The following TFDP2 variants were observed in gnomAD, a reference collection of about 807,000 sequenced individuals.
TFDP2 encodes transcription factor Dp-2 (E2F dimerization partner 2).
Under a neutral mutation model 59.3 loss-of-function variants are expected in TFDP2, and 17 were observed. That is an observed-to-expected ratio of 0.29 (90% CI 0.20 to 0.43). TFDP2 has a LOEUF of 0.43. TFDP2 is among the 20% of genes least tolerant of loss of function. The pLI is 1.00. For synonymous variants in TFDP2, 180 were observed against 194.7 expected, an observed-to-expected ratio of 0.92 and a Z score of 0.63; for missense variants, 391 against 528.8, an observed-to-expected ratio of 0.74 and a Z score of 2.56.
At chr3:141,997,912 CAT>C in intron 4 of TFDP2, among the ~76,000 whole-genome samples, 1 of 145,310 alleles carries the variant, frequency 6.9e-6, no homozygotes, top group South Asian at 2.2e-4. Context: ...GGAAAGAGGA[CAT>C]AGAGAAAAAC....
At position 142,004,612 on chromosome 3, in the gene TFDP2, T is replaced by G. The variant is rs138071601; in HGVS notation, c.186+829A>C. 6.0e-3 allele frequency among the ~76,000 whole-genome samples: 913 copies of G among 152,304 alleles called. 2 individuals are homozygous for G. The highest frequency in any genetic ancestry group is 0.01 in the Middle Eastern group (3 of 294). On this transcript the variant is annotated intron_variant, in intron 4 of 12. Coordinates refer to ENST00000489671, the MANE Select transcript of TFDP2 (RefSeq NM_001178139.2). ...TTAATGAATGTCTTTAGAGAAACAG[T>G]TGTTTTCCATTTTTCATTCATTATT... is the stretch of plus-strand genomic sequence containing the variant.
intron 3 of TFDP2, among the ~76,000 whole-genome samples, chr3:142,074,853 A>G (rs2060387475): frequency 6.6e-6 from 1 of 152,222 alleles, no homozygotes; most frequent in Admixed American, 6.5e-5. Flanking sequence ...CTTTGTCTCA[A>G]AAAAATAAAA....
intron 5 of TFDP2, among the ~76,000 whole-genome samples, chr3:141,993,996 G>A (rs911399608): frequency 2.0e-5 from 3 of 152,188 alleles, no homozygotes; most frequent in Admixed American, 6.5e-5. Flanking sequence ...TGGCTTTCAC[G>A]TTATAATCTT....
intron 1 of TFDP2, among the ~76,000 whole-genome samples, 163 bp downstream of exon 1, chr3:142,149,020 C>T (rs1414876616): frequency 6.6e-6 from 1 of 152,234 alleles, no homozygotes; most frequent in African/African-American, 2.4e-5. Context: ...CAGACACTCA[C>T]GGGTTACCCG....
intron 1 of TFDP2, among the ~76,000 whole-genome samples, chr3:142,115,044 AG>A (rs2061800752): frequency 6.6e-6 from 1 of 152,148 alleles, no homozygotes; most frequent in African/African-American, 2.4e-5. Flanking sequence ...ATACAAAGCA[AG>A]TCTTCCTTAA....
intron 1 of TFDP2, among the ~76,000 whole-genome samples, chr3:142,107,150 G>A (rs552285521): frequency 1.3e-5 from 2 of 151,970 alleles, no homozygotes; most frequent in Non-Finnish European, 1.5e-5. Flanking sequence ...TAACTTATTG[G>A]CATAAATCCT....
chr3:141,973,447 T>C (rs1940149238), intron 8 of TFDP2, among the ~76,000 whole-genome samples: 1 of 152,178 alleles, frequency 6.6e-6, no homozygotes, highest in Non-Finnish European at 1.5e-5. Flanking sequence ...CAAGTCAATT[T>C]AGAAACAGTA....
chr3:142,026,354 C>A (rs1340467684), intron 3 of TFDP2, among the ~76,000 whole-genome samples: 3 of 152,014 alleles, frequency 2.0e-5, no homozygotes, highest in Non-Finnish European at 4.4e-5. Flanking sequence ...AAAAAAATAA[C>A]TTCAGGTAAG....
At chr3:141,997,383 T>A (rs1943364104) in intron 4 of TFDP2, among the ~76,000 whole-genome samples, 1 of 151,986 alleles carries the variant, frequency 6.6e-6, no homozygotes, top group Non-Finnish European at 1.5e-5. Flanking sequence ...TAAAGAAAAA[T>A]GTGAGTTATT....
At chr3:141,975,965 C>G (rs1333318421) in intron 7 of TFDP2, among the ~76,000 whole-genome samples, 1 of 152,116 alleles carries the variant, frequency 6.6e-6, no homozygotes, top group African/African-American at 2.4e-5. Flanking sequence ...ACTGCAACCT[C>G]CACCTTCTGG....
chr3:142,108,692 G>A (rs764042931), intron 1 of TFDP2, among the ~76,000 whole-genome samples: 14 of 152,122 alleles, frequency 9.2e-5, no homozygotes, highest in Non-Finnish European at 1.6e-4. Context: ...AATCTAAACT[G>A]GTGACAGTAA....
At chr3:142,129,303 A>G (rs2062401895) in intron 1 of TFDP2, among the ~76,000 whole-genome samples, 2 of 152,174 alleles carry the variant, frequency 1.3e-5, no homozygotes, top group Admixed American at 1.3e-4. Flanking sequence ...GTAACAGCTA[A>G]AAATCCTCAG....
At position 142,061,898 on chromosome 3, in the gene TFDP2, A is replaced by T. The variant is rs1269734021; in HGVS notation, c.82+31163T>A. On this transcript the variant is annotated intron_variant, in intron 3 of 12. Transcript: ENST00000489671. ...TCTCTCTCTCTCTCTCTACACACAC[A>T]CACACACACACACACACACACACAC... is the stretch of plus-strand genomic sequence containing the variant. 4.9e-3 allele frequency among the ~76,000 whole-genome samples: 298 copies of T among 60,856 alleles called. 1 individual carries two copies. Among genetic ancestry groups the T allele is most frequent in the African/African-American group, 8.4e-3 (58 of 6,864 alleles). The allele number at this position is 60,856 out of a possible 152,430, so 39.9% of individuals were successfully genotyped here.
intron 1 of TFDP2, among the ~76,000 whole-genome samples, chr3:142,137,375 C>T (rs376413215): frequency 2.1e-4 from 32 of 152,292 alleles, no homozygotes; most frequent in South Asian, 1.0e-3. Context: ...CCCTTTATTT[C>T]TTTCTCTTGC....
intron 3 of TFDP2, among the ~76,000 whole-genome samples, chr3:142,017,533 A>G (rs1945225744): frequency 6.7e-6 from 1 of 148,946 alleles, no homozygotes. Context: ...ATGCAAACAC[A>G]TATGCAAAAA....
At position 141,947,380 on chromosome 3, in the gene TFDP2, T is replaced by TA. The variant is rs1407039293; in HGVS notation, c.*5132dup. 4.6e-5 allele frequency: 7 copies of TA among 152,204 alleles called. No homozygotes were observed. Among genetic ancestry groups the TA allele is most frequent in the African/African-American group, 1.7e-4 (7 of 41,458 alleles). The allele number at this position is 152,204 out of a possible 1,614,324, so 9.4% of individuals were successfully genotyped here. A position where few individuals can be genotyped will look rare whatever the true frequency, so the allele number is the denominator to read the frequency against. ...ATGTAGCCAACAACTTAGAAACACG[T>TA]AAAATAGTTCTCAATTTCTAATCAT... On this transcript the variant is annotated 3_prime_UTR_variant, in exon 13 of 13. Coordinates refer to ENST00000489671, the MANE Select transcript of TFDP2 (RefSeq NM_001178139.2).
intron 6 of TFDP2, among the ~76,000 whole-genome samples, chr3:141,990,609 CTTTG>C (rs1349343360): frequency 1.3e-5 from 2 of 151,694 alleles, no homozygotes; most frequent in Non-Finnish European, 2.9e-5. Flanking sequence ...CTCCTGGTTT[CTTTG>C]TTTGGTTTAT....
chr3:142,030,694 C>G (rs1946378217), intron 3 of TFDP2, among the ~76,000 whole-genome samples: 1 of 149,618 alleles, frequency 6.7e-6, no homozygotes, highest in African/African-American at 2.5e-5. Context: ...AGTCTTAAAA[C>G]AAAAGGAAAT....
intron 3 of TFDP2, among the ~76,000 whole-genome samples, chr3:142,019,846 T>G (rs933062387): frequency 2.0e-5 from 3 of 152,218 alleles, no homozygotes; most frequent in Admixed American, 1.3e-4. Flanking sequence ...ATTTATTGAT[T>G]TTCTATTCTG....
Sources: allele counts gnomAD v4.1 joint callset (sites outside exome capture counted in the v4.1 genomes callset), GRCh38; gene constraint gnomAD v4.1.1; transcripts MANE v1.5; gene names NCBI Gene and HGNC (gene_info 2026-07-23, HGNC 2026-07-21).